ATP2B2: variants seen among roughly 807,000 people sequenced by gnomAD.
ATP2B2 encodes the protein ATPase plasma membrane Ca2+ transporting 2.
In ATP2B2, 15 loss-of-function variants were observed where a neutral mutation model predicts 120.0. That is an observed-to-expected ratio of 0.12 (90% CI 0.08 to 0.19). The LOEUF (loss-of-function observed/expected upper bound fraction) is 0.19. ATP2B2 is among the 10% of genes least tolerant of loss of function. The pLI is 1.00. For missense variants in ATP2B2, 1,045 were observed against 1,719.8 expected (o/e 0.61, Z 6.94); for synonymous variants, 694 against 700.3 (o/e 0.99, Z 0.14).
intron 2 of ATP2B2, among the ~76,000 whole-genome samples, chr3:10,443,759 G>A (rs924796649): frequency 6.6e-6 from 1 of 152,204 alleles, no homozygotes; most frequent in African/African-American, 2.4e-5. Flanking sequence ...TTCGAGATGG[G>A]TTTCTGTCAG....
chr3:10,625,658 G>A (rs1482065596), intron 1 of ATP2B2, among the ~76,000 whole-genome samples: 1 of 152,172 alleles, frequency 6.6e-6, no homozygotes, highest in East Asian at 1.9e-4. Context: ...TTGGAGGAGA[G>A]TGGCCAGGAT....
intron 2 of ATP2B2, among the ~76,000 whole-genome samples, chr3:10,597,861 T>G (rs1032251920): frequency 2.6e-5 from 4 of 152,192 alleles, no homozygotes; most frequent in Admixed American, 2.0e-4. Flanking sequence ...GGTCACCTCC[T>G]CTGTTAAATG....
At chr3:10,438,504 C>T (rs1224614980) in intron 2 of ATP2B2, among the ~76,000 whole-genome samples, 3 of 152,220 alleles carry the variant, frequency 2.0e-5, no homozygotes, top group Non-Finnish European at 4.4e-5. Context: ...ATCTTCTTTG[C>T]CTGCTGCCTG....
At chr3:10,400,614 A>T (rs1167453261) in intron 5 of ATP2B2, among the ~76,000 whole-genome samples, 1 of 152,176 alleles carries the variant, frequency 6.6e-6, no homozygotes, top group African/African-American at 2.4e-5. Context: ...CAGAATGCTT[A>T]TCACCTGACT....
At chr3:10,457,657 T>G (rs1432957763) in intron 1 of ATP2B2, among the ~76,000 whole-genome samples, 4 of 152,074 alleles carry the variant, frequency 2.6e-5, no homozygotes, top group Admixed American at 6.5e-5. Context: ...TCTGTGTATG[T>G]GCTCAAAGCT....
At chr3:10,409,108 G>C (rs1420703273) in intron 3 of ATP2B2, among the ~76,000 whole-genome samples, 1 of 152,214 alleles carries the variant, frequency 6.6e-6, no homozygotes, top group Non-Finnish European at 1.5e-5. Flanking sequence ...ATAGTAAGAA[G>C]TATTATCATT....
intron 1 of ATP2B2, among the ~76,000 whole-genome samples, chr3:10,486,420 T>C (rs554522928): frequency 1.3e-5 from 2 of 151,944 alleles, no homozygotes; most frequent in South Asian, 4.2e-4. Context: ...CAGGGTGATC[T>C]ACAAAGCACC....
At chr3:10,418,150 C>G (rs1458367806) in intron 2 of ATP2B2, among the ~76,000 whole-genome samples, 1 of 152,124 alleles carries the variant, frequency 6.6e-6, no homozygotes, top group Non-Finnish European at 1.5e-5. Context: ...CCTCTGTGAG[C>G]TACACCAGAG....
At chr3:10,517,307 C>T (rs915649790) in intron 3 of ATP2B2, among the ~76,000 whole-genome samples, 6 of 152,208 alleles carry the variant, frequency 3.9e-5, no homozygotes, top group Admixed American at 6.5e-5. Flanking sequence ...ACCCCTTCCC[C>T]TTCCCCCAGC....
chr3:10,483,298 A>G (rs187899070), intron 1 of ATP2B2, among the ~76,000 whole-genome samples: 11 of 152,366 alleles, frequency 7.2e-5, no homozygotes, highest in Admixed American at 7.2e-4. Flanking sequence ...CGTAGGTCCC[A>G]GGGCAGGGAG....
rs369824254 is a variant in ATP2B2 at position 10,477,640 on chromosome 3, A to AT, written c.-319-27779dup. ...GTAGCGACCTCATATAAGTGGAATC[A>AT]TAACAGTATTTGTCCCTTTATGGCT... is the stretch of plus-strand genomic sequence containing the variant. On this transcript the variant is annotated intron_variant, in intron 1 of 22. Coordinates refer to ENST00000360273, the MANE Select transcript of ATP2B2 (RefSeq NM_001001331.4). Among the ~76,000 whole-genome samples, 826 of 152,358 alleles carry AT rather than the reference A, an allele frequency of 5.4e-3. 12 individuals carry two copies. Among genetic ancestry groups the AT allele is most frequent in the African/African-American group, 0.019 (798 of 41,586 alleles).
chr3:10,692,324 G>A (rs928501873), intron 1 of ATP2B2, among the ~76,000 whole-genome samples: 2 of 152,160 alleles, frequency 1.3e-5, no homozygotes, highest in African/African-American at 2.4e-5. Flanking sequence ...CCCCCCAACC[G>A]TCATTCATTA....
intron 3 of ATP2B2, among the ~76,000 whole-genome samples, chr3:10,517,255 A>G (rs2066894827): frequency 6.6e-6 from 1 of 152,162 alleles, no homozygotes; most frequent in South Asian, 2.1e-4. Flanking sequence ...GGGGCGGGGA[A>G]CCTGCAAGTG....
intron 2 of ATP2B2, among the ~76,000 whole-genome samples, chr3:10,574,356 T>C (rs540062005): frequency 6.6e-6 from 1 of 152,278 alleles, no homozygotes; most frequent in South Asian, 2.1e-4. Context: ...CACACAGCAG[T>C]GGTGATGGCT....
chr3:10,681,501 T>C (rs2071382802), intron 1 of ATP2B2, among the ~76,000 whole-genome samples: 2 of 152,252 alleles, frequency 1.3e-5, no homozygotes, highest in Admixed American at 6.5e-5. Flanking sequence ...AAGTGCCCAA[T>C]GCACTCACTC....
intron 1 of ATP2B2, among the ~76,000 whole-genome samples, chr3:10,641,654 G>T (rs1412361871): frequency 6.6e-6 from 1 of 152,198 alleles, no homozygotes; most frequent in Admixed American, 6.5e-5. Flanking sequence ...TCTCTTTCTG[G>T]TTGCTCAGCT....
intron 1 of ATP2B2, among the ~76,000 whole-genome samples, chr3:10,666,288 C>A (rs903703095): frequency 6.6e-6 from 1 of 152,154 alleles, no homozygotes; most frequent in Non-Finnish European, 1.5e-5. Context: ...AGAGTGGGCA[C>A]GGGCAGCAAC....
At chr3:10,373,547 T>C (rs1240306532) in intron 11 of ATP2B2, among the ~76,000 whole-genome samples, 1 of 152,234 alleles carries the variant, frequency 6.6e-6, no homozygotes, top group Non-Finnish European at 1.5e-5. Context: ...ATTTAGAGGA[T>C]ATTTTGAAAA....
chr3:10,590,595 G>T (rs576185658), intron 2 of ATP2B2, among the ~76,000 whole-genome samples: 1 of 152,288 alleles, frequency 6.6e-6, no homozygotes, highest in African/African-American at 2.4e-5. Flanking sequence ...GAAGAAAGAG[G>T]CACAGCTGCT....
Sources: gnomAD v4.1 joint callset for allele counts (sites outside exome capture counted in the v4.1 genomes callset) on GRCh38, gnomAD v4.1.1 for gene constraint, MANE v1.5 for transcripts, NCBI Gene and HGNC (gene_info 2026-07-23, HGNC 2026-07-21) for gene names.